Variants in F10 observed in about 807,000 individuals in gnomAD.
The protein encoded by F10 is coagulation factor X, also known as Stuart-Prower factor.
A neutral mutation model predicts 37.1 loss-of-function variants in F10; 29 were observed. The observed-to-expected ratio is 0.78, with a 90% CI of 0.58 to 1.07. The LOEUF (loss-of-function observed/expected upper bound fraction) is 1.07, where lower values mean the gene tolerates loss of function less well. F10 is among the 50% of genes least tolerant of loss of function. The pLI is 0.00. For synonymous variants in F10, 262 were observed against 268.6 expected (o/e 0.98, Z 0.24); for missense variants, 539 against 667.9 (o/e 0.81, Z 2.13).
intron 6 of F10, among the ~76,000 whole-genome samples, chr13:113,145,319 C>G (rs1001026688): frequency 6.6e-6 from 1 of 152,208 alleles, no homozygotes; most frequent in Non-Finnish European, 1.5e-5. Flanking sequence ...AGCCACTATA[C>G]CAGGTCCTAA....
At chr13:113,134,594 G>T (rs767220570) in intron 2 of F10, among the ~76,000 whole-genome samples, 41 of 152,136 alleles carry the variant, frequency 2.7e-4, no homozygotes, top group Non-Finnish European at 5.6e-4. Flanking sequence ...CACTACACAT[G>T]GGGATTATGG....
chr13:113,146,924 C>G lies in F10; in HGVS notation c.748-455C>G, dbSNP rs1370722856. 6.6e-6 allele frequency among the ~76,000 whole-genome samples: 1 copy of G among 152,162 alleles called. No homozygotes were observed. Among genetic ancestry groups the G allele is most frequent in the Non-Finnish European group, 1.5e-5 (1 of 68,018 alleles). The stretch of plus-strand genomic sequence containing the variant: ...TGCCACAGGGACCCCCAGGAAGTCA[C>G]CTGGGATGGAGGTGTCCGTGCACCA... On this transcript the variant is annotated intron_variant, in intron 6 of 7. Coordinates refer to ENST00000375559, the MANE Select transcript of F10 (RefSeq NM_000504.4). The surrounding 1 kb of genome is among the most constrained non-coding windows in gnomAD (Gnocchi z 4.5).
chr13:113,143,801 T>TG lies in F10; in HGVS notation c.503-46dup. On this transcript the variant is annotated intron_variant, in intron 5 of 7. Transcript: ENST00000375559. This position sits in a 1 kb window ranked among gnomAD's most constrained non-coding sequence, Gnocchi z 6.8. ...CCCTCAGGGTGAGCTGTGCAGGCTA[T>TG]GGGGAGCCTCTCTCTGTGCTGAAGG... The TG allele has an allele frequency of 6.2e-7, 1 of 1,605,412 alleles. No homozygotes were observed. The highest frequency in any genetic ancestry group is 8.5e-7 in the Non-Finnish European group (1 of 1,179,876).
At position 113,141,655 on chromosome 13, in the gene F10, G is replaced by A. The variant is rs1296056462; in HGVS notation, c.502+605G>A. On this transcript the variant is annotated intron_variant, in intron 5 of 7. Transcript: ENST00000375559. The surrounding 1 kb of genome is among the most constrained non-coding windows in gnomAD (Gnocchi z 5.4). ...GGGTGGGGACGAGCCTCCCTGTCCT[G>A]ACCCCGTGGGCATTGCCTACGCTGG... 1.3e-5 allele frequency among the ~76,000 whole-genome samples: 2 copies of A among 152,216 alleles called. No individual in the cohort carries two copies. Among genetic ancestry groups the A allele is most frequent in the Non-Finnish European group, 2.9e-5 (2 of 68,022 alleles).
At position 113,141,127 on chromosome 13, in the gene F10, G is replaced by A; in HGVS notation, c.502+77G>A. On this transcript the variant is annotated intron_variant, in intron 5 of 7. Coordinates refer to ENST00000375559, the MANE Select transcript of F10 (RefSeq NM_000504.4). This position sits in a 1 kb window ranked among gnomAD's most constrained non-coding sequence, Gnocchi z 5.4. ...GAGGACAAGCCCGTGCCAGGGGGTG[G>A]GGACACAGGCATGTTCTGGGCGGGC... 15 of 1,593,314 alleles carry A rather than the reference G, an allele frequency of 9.4e-6. No individual in the cohort carries two copies. The highest frequency in any genetic ancestry group is 1.3e-5 in the Non-Finnish European group (15 of 1,172,562).
intron 5 of F10, among the ~76,000 whole-genome samples, chr13:113,142,009 G>A (rs1426623408): frequency 6.6e-6 from 1 of 152,104 alleles, no homozygotes; most frequent in Non-Finnish European, 1.5e-5. Context: ...CCTTCTTACC[G>A]AAAACAATTT....
At position 113,149,214 on chromosome 13, in the gene F10, C is replaced by T; in HGVS notation, c.1164C>T (p.Asn388=). The T allele has an allele frequency of 2.5e-6, 4 of 1,613,092 alleles. No individual in the cohort carries two copies. The highest frequency in any genetic ancestry group is 3.4e-6 in the Non-Finnish European group (4 of 1,179,998). Residue 388 remains asparagine (N), a synonymous_variant, in exon 8 of 8, where the codon AAC becomes AAT. Coordinates refer to ENST00000375559, the MANE Select transcript of F10 (RefSeq NM_000504.4). This position sits in a 1 kb window ranked among gnomAD's most constrained non-coding sequence, Gnocchi z 7.5. ...TGGAGGTGCCCTACGTGGACCGCAACAGCTGCAAGCTGTCCAGCAGCTTCA... is the reference window on the plus strand; with the variant it reads ...TGGAGGTGCCCTACGTGGACCGCAATAGCTGCAAGCTGTCCAGCAGCTTCA... ...KMLEVPYVDR[N]SCKLSSSFII...
Position 113,129,538 on chromosome 13 carries a change from C to G in F10, c.157C>G (p.Leu53Val). ...SFLEEMKKGH[L>V]ERECMEETCS... ...TCTTGAAGAGATGAAGAAAGGACAC[C>G]TCGAAAGAGAGTGCATGGAAGAGAC... The change falls in exon 2 of 8, where the codon CTC becomes GTC. Residue 53 changes from leucine to valine, a missense_variant. Leu to Val is a conservative substitution (Grantham distance 32). Transcript: ENST00000375559. 6.2e-7 allele frequency: 1 copy of G among 1,614,194 alleles called. No homozygotes were observed. The highest frequency in any genetic ancestry group is 8.5e-7 in the Non-Finnish European group (1 of 1,180,028).
chr13:113,136,482 C>T (rs1390280587), intron 2 of F10, among the ~76,000 whole-genome samples: 1 of 148,422 alleles, frequency 6.7e-6, no homozygotes, highest in Non-Finnish European at 1.5e-5. Context: ...TTTTTTGAGA[C>T]AGAGTCTTCC....
At chr13:113,123,378 C>T (rs1020520504) in intron 1 of F10, among the ~76,000 whole-genome samples, 2 of 152,082 alleles carry the variant, frequency 1.3e-5, no homozygotes, top group Non-Finnish European at 2.9e-5. Context: ...GAGGCTGAGC[C>T]GAGCCAGTGC....
chr13:113,143,801 TG>T lies in F10; in HGVS notation c.503-46del. 3.7e-6 allele frequency: 6 copies of T among 1,605,408 alleles called. No individual in the cohort carries two copies. The highest frequency in any genetic ancestry group is 5.1e-6 in the Non-Finnish European group (6 of 1,179,876). On this transcript the variant is annotated intron_variant, in intron 5 of 7. Transcript: ENST00000375559. The surrounding 1 kb of genome is among the most constrained non-coding windows in gnomAD (Gnocchi z 6.8). ...CCCTCAGGGTGAGCTGTGCAGGCTA[TG>T]GGGAGCCTCTCTCTGTGCTGAAGGC...
At chr13:113,131,975 C>G (rs2036438693) in intron 2 of F10, 1 of 152,232 alleles carries the variant, frequency 6.6e-6, no homozygotes, top group East Asian at 1.9e-4. Flanking sequence ...ATATTTCTGA[C>G]TCCTGGCATG....
chr13:113,148,226 G>C (rs1193654463), intron 7 of F10, among the ~76,000 whole-genome samples: 1 of 151,436 alleles, frequency 6.6e-6, no homozygotes, highest in African/African-American at 2.4e-5. Flanking sequence ...AGCTACTTGG[G>C]AAGCTGAGGC....
chr13:113,145,646 G>A (rs1192542340), intron 6 of F10, among the ~76,000 whole-genome samples: 1 of 152,178 alleles, frequency 6.6e-6, no homozygotes, highest in African/African-American at 2.4e-5. Context: ...GAGGTTGAAT[G>A]AACTCACAGT....
chr13:113,148,959 C>G lies in F10; in HGVS notation c.909C>G (p.His303Gln). The G allele has an allele frequency of 6.2e-7, 1 of 1,613,378 alleles. No homozygotes were observed. Among genetic ancestry groups the G allele is most frequent in the Non-Finnish European group, 8.5e-7 (1 of 1,180,002 alleles). Residue 303 changes from histidine (H) to glutamine (Q), a missense_variant, in exon 8 of 8, where the codon CAC becomes CAG. Around this residue, in one of 2 missense-constraint regions of F10, gnomAD observed 409 missense variants for 547.9 expected, o/e 0.75. Coordinates refer to ENST00000375559, the MANE Select transcript of F10 (RefSeq NM_000504.4). ...TEQEEGGEAV[H>Q]EVEVVIKHNR... ...AGGAGGAGGGCGGTGAGGCGGTGCA[C>G]GAGGTGGAGGTGGTCATCAAGCACA...
At chr13:113,135,908 T>G (rs967485521) in intron 2 of F10, among the ~76,000 whole-genome samples, 1 of 152,132 alleles carries the variant, frequency 6.6e-6, no homozygotes, top group African/African-American at 2.4e-5. Flanking sequence ...TTATCAAAAT[T>G]AAAACCTTTT....
chr13:113,129,278 G>A lies in F10; in HGVS notation c.71-174G>A, dbSNP rs181465792. ...CCTATGGAATTCCCTTGGCAGAGAG[G>A]ACGGGTCCACTCAGTGAGTTGGGGG... On this transcript the variant is annotated intron_variant, in intron 1 of 7. Coordinates refer to ENST00000375559, the MANE Select transcript of F10 (RefSeq NM_000504.4). Among the ~76,000 whole-genome samples the A allele has an allele frequency of 3.4e-3, 509 of 148,158 alleles. 3 individuals are homozygous for A. Among genetic ancestry groups the A allele is most frequent in the Middle Eastern group, 0.017 (5 of 290 alleles).
At chr13:113,137,414 A>G (rs558524052) in intron 2 of F10, among the ~76,000 whole-genome samples, 115 of 152,306 alleles carry the variant, frequency 7.6e-4, no homozygotes, top group Non-Finnish European at 1.2e-3. Flanking sequence ...CATCCTGATG[A>G]TGCTGGTGGC....
chr13:113,133,739 C>A lies in F10; in HGVS notation c.231+4127C>A, dbSNP rs181540095. Among the ~76,000 whole-genome samples the A allele has an allele frequency of 5.3e-5, 8 of 152,302 alleles. No homozygotes were observed. The East Asian group carries it at 1.3e-3, about 26-fold the overall frequency. On this transcript the variant is annotated intron_variant, in intron 2 of 7. Coordinates refer to ENST00000375559, the MANE Select transcript of F10 (RefSeq NM_000504.4). The stretch of plus-strand genomic sequence containing the variant: ...TGAAAACAAAAACCACCCTACGTAA[C>A]AATATCTCTCATGAATCTAGACATA...
Sources: allele counts gnomAD v4.1 joint callset (sites outside exome capture counted in the v4.1 genomes callset), GRCh38; gene constraint gnomAD v4.1.1; regional missense constraint gnomAD v4.1.1; non-coding constraint Gnocchi (gnomAD v3.1); transcripts MANE v1.5; gene names NCBI Gene and HGNC (gene_info 2026-07-23, HGNC 2026-07-21).